Variants in PKN2 observed in about 807,000 individuals in gnomAD.
The protein encoded by PKN2 is protein kinase N2, also known as serine/threonine-protein kinase N2.
PKN2 carries 38 observed loss-of-function variants against 119.1 expected under a neutral mutation model. That is an observed-to-expected ratio of 0.32 (90% CI 0.25 to 0.42). PKN2 has a LOEUF of 0.42. Among genes scored for constraint, PKN2 ranks in the 10% least tolerant of loss-of-function variants. The pLI is 1.00. For synonymous variants in PKN2, 390 were observed against 384.9 expected (o/e 1.01, Z -0.15); for missense variants, 850 against 1,165.1 (o/e 0.73, Z 3.94).
At chr1:88,804,028 A>T (rs573992569) in intron 8 of PKN2, among the ~76,000 whole-genome samples, 1 of 152,190 alleles carries the variant, frequency 6.6e-6, no homozygotes, top group Non-Finnish European at 1.5e-5. Flanking sequence ...GGGTAGTAAC[A>T]TAGCACATGA....
chr1:88,729,085 G>A (rs1668022868), intron 1 of PKN2, among the ~76,000 whole-genome samples: 1 of 151,840 alleles, frequency 6.6e-6, no homozygotes, highest in Admixed American at 6.6e-5. Flanking sequence ...GTAGAGATGG[G>A]GTTTCTCCAT....
intron 6 of PKN2, among the ~76,000 whole-genome samples, chr1:88,778,709 A>G (rs1469589679): frequency 6.6e-6 from 1 of 151,654 alleles, no homozygotes; most frequent in Non-Finnish European, 1.5e-5. Flanking sequence ...CTCTGCCTTC[A>G]AAGATTTTCT....
chr1:88,770,503 A>G (rs768762719), intron 4 of PKN2, 34 bp downstream of exon 4: 80 of 1,089,078 alleles, frequency 7.3e-5, no homozygotes, highest in Non-Finnish European at 1.0e-4. Context: ...TCTTATGAGC[A>G]TAATGGTGCT....
At chr1:88,692,080 AGTT>A (rs1364551926) in intron 1 of PKN2, among the ~76,000 whole-genome samples, 1 of 152,012 alleles carries the variant, frequency 6.6e-6, no homozygotes, top group Non-Finnish European at 1.5e-5. Flanking sequence ...AACATCTTTT[AGTT>A]GTTTGTATAG....
intron 17 of PKN2, among the ~76,000 whole-genome samples, 192 bp downstream of exon 17, chr1:88,822,195 C>G (rs940250460): frequency 1.3e-5 from 2 of 152,142 alleles, no homozygotes; most frequent in Non-Finnish European, 2.9e-5. Flanking sequence ...GTTTCCTAAT[C>G]CATAGCACAT....
intron 2 of PKN2, among the ~76,000 whole-genome samples, chr1:88,758,593 C>T (rs557148224): frequency 6.6e-6 from 1 of 152,258 alleles, no homozygotes; most frequent in East Asian, 1.9e-4. Context: ...CATGTGTTCC[C>T]ATCATTTAGC....
chr1:88,717,064 G>A (rs1570522679), intron 1 of PKN2, among the ~76,000 whole-genome samples: 3 of 152,160 alleles, frequency 2.0e-5, no homozygotes, highest in African/African-American at 7.2e-5. Flanking sequence ...AGCTTAGTTT[G>A]GCTGGATATG....
At chr1:88,797,424 AC>A (rs2100856299) in intron 8 of PKN2, among the ~76,000 whole-genome samples, 1 of 150,986 alleles carries the variant, frequency 6.6e-6, no homozygotes, top group East Asian at 2.0e-4. Flanking sequence ...TGGGCGGATC[AC>A]GAGGTCAAGA....
rs79295086 is a variant in PKN2 at position 88,796,100 on chromosome 1, A to G, written c.1282-8291A>G. On this transcript the variant is annotated intron_variant, in intron 8 of 21. Transcript: ENST00000370521. ...CCCAGTGCTTTTCTTTTTAGCAACT[A>G]TACAGGTTGAATATCCTTTATCTGA... Among the ~76,000 whole-genome samples, 1,289 of 152,350 alleles carry G rather than the reference A, an allele frequency of 8.5e-3. 16 individuals carry two copies. The highest frequency in any genetic ancestry group is 0.015 in the South Asian group (72 of 4,824).
chr1:88,761,749 A>G (rs1669452022), intron 3 of PKN2, among the ~76,000 whole-genome samples: 1 of 152,014 alleles, frequency 6.6e-6, no homozygotes, highest in African/African-American at 2.4e-5. Context: ...TGTTACTTTT[A>G]GAGAAATGTA....
intron 1 of PKN2, among the ~76,000 whole-genome samples, chr1:88,726,761 T>TG (rs1175934065): frequency 1.0e-5 from 1 of 98,746 alleles, no homozygotes; most frequent in South Asian, 4.3e-4. Flanking sequence ...TGAGTTTTGG[T>TG]GGTTTTTTTT....
intron 1 of PKN2, among the ~76,000 whole-genome samples, chr1:88,724,683 TG>T (rs200312380): frequency 0.01 from 1,497 of 148,994 alleles, 21 homozygotes; most frequent in African/African-American, 0.036. Context: ...GCAATTCTCC[TG>T]CCCCAGCCTC....
Position 88,833,500 on chromosome 1 carries a change from T to G in PKN2, c.*52T>G. ...GACTCACAAGAAGACCTCTTAAAAA[T>G]AGCAACCCTTCATTTGCTCTCTGTG... On this transcript the variant is annotated 3_prime_UTR_variant, in exon 22 of 22. Coordinates refer to ENST00000370521, the MANE Select transcript of PKN2 (RefSeq NM_006256.4). 1 of 1,408,886 alleles carries G rather than the reference T, an allele frequency of 7.1e-7. No individual in the cohort carries two copies. Among genetic ancestry groups the G allele is most frequent in the South Asian group, 1.2e-5 (1 of 84,974 alleles). 87.3% of individuals were successfully genotyped at this position (1,408,886 alleles called of 1,614,324 possible).
chr1:88,829,709 CT>C (rs1371831035), intron 19 of PKN2, among the ~76,000 whole-genome samples: 2 of 152,072 alleles, frequency 1.3e-5, no homozygotes, highest in Non-Finnish European at 2.9e-5. Context: ...GGGACTTGAA[CT>C]GGAGATGCAA....
intron 1 of PKN2, among the ~76,000 whole-genome samples, chr1:88,738,519 T>A (rs1447091981): frequency 1.3e-5 from 2 of 152,138 alleles, no homozygotes; most frequent in Non-Finnish European, 2.9e-5. Context: ...TGAAGTAAAG[T>A]TTTATAATTT....
At chr1:88,757,265 C>T (rs530809490) in intron 2 of PKN2, among the ~76,000 whole-genome samples, 13 of 152,204 alleles carry the variant, frequency 8.5e-5, no homozygotes, top group East Asian at 1.9e-4. Flanking sequence ...CATGTGTTTG[C>T]GCAGATATCA....
At chr1:88,752,596 A>G (rs1403905967) in intron 2 of PKN2, among the ~76,000 whole-genome samples, 3 of 152,132 alleles carry the variant, frequency 2.0e-5, no homozygotes, top group Non-Finnish European at 4.4e-5. Flanking sequence ...ACACCTACAC[A>G]TTTAGAATTG....
At chr1:88,819,571 G>A (rs1672160604) in intron 16 of PKN2, among the ~76,000 whole-genome samples, 1 of 152,194 alleles carries the variant, frequency 6.6e-6, no homozygotes, top group Admixed American at 6.5e-5. Context: ...TGGTGGGAGT[G>A]TAAATTAGTT....
At chr1:88,737,415 A>G (rs1051705802) in intron 1 of PKN2, among the ~76,000 whole-genome samples, 2 of 152,056 alleles carry the variant, frequency 1.3e-5, no homozygotes, top group African/African-American at 4.8e-5. Context: ...TCACTGAGTC[A>G]AGATCAAAGT....
Sources: gnomAD v4.1 joint callset for allele counts (sites outside exome capture counted in the v4.1 genomes callset) on GRCh38, gnomAD v4.1.1 for gene constraint, MANE v1.5 for transcripts, NCBI Gene and HGNC (gene_info 2026-07-23, HGNC 2026-07-21) for gene names.